KNL1: variants seen among roughly 807,000 people sequenced by gnomAD.
The protein encoded by KNL1 is kinetochore scaffold 1.
KNL1 carries 66 observed loss-of-function variants against 201.3 expected under a neutral mutation model. That is an observed-to-expected ratio of 0.33 (90% CI 0.27 to 0.40). The LOEUF (loss-of-function observed/expected upper bound fraction) is 0.40. KNL1 is among the 10% of genes least tolerant of loss of function. The pLI, the probability that KNL1 is intolerant of heterozygous loss-of-function variation, is 1.00. For synonymous variants in KNL1, 895 were observed against 899.2 expected, an observed-to-expected ratio of 1.00 and a Z score of 0.08; for missense variants, 2,815 against 2,690.5, an observed-to-expected ratio of 1.05 and a Z score of -1.02.
At chr15:40,645,186 ATTTAACTTATTT>A (rs1893349479) in intron 15 of KNL1, 99 bp downstream of exon 15, 1 of 736,898 alleles carries the variant, frequency 1.4e-6, no homozygotes, top group Non-Finnish European at 2.3e-6. Flanking sequence ...GTGATGAGTT[ATTTAACTTATTT>A]TTTAAGTGTA....
Position 40,599,823 on chromosome 15 carries a change from G to A in KNL1, c.-17-3092G>A, listed in dbSNP as rs573568179. Among the ~76,000 whole-genome samples, 110 of 143,282 alleles carry A rather than the reference G, an allele frequency of 7.7e-4. 1 individual carries two copies. The highest frequency in any genetic ancestry group is 2.6e-3 in the African/African-American group (102 of 38,586). The allele number at this position is 143,282 out of a possible 152,430, so 94.0% of individuals were successfully genotyped here. The stretch of plus-strand genomic sequence containing the variant: ...TTTTTTTTTTTTTTTTTAAAGAGAC[G>A]GGGTCTCCCTATGTTGCCCAGGCTG... On this transcript the variant is annotated intron_variant, in intron 1 of 25. Coordinates refer to ENST00000399668, the MANE Select transcript of KNL1 (RefSeq NM_144508.5).
chr15:40,612,667 C>T (rs1165793056), intron 7 of KNL1, among the ~76,000 whole-genome samples: 3 of 151,938 alleles, frequency 2.0e-5, no homozygotes, highest in Non-Finnish European at 4.4e-5. Context: ...CAGGCGCCTG[C>T]CACCACGCCT....
chr15:40,628,090 A>G lies in KNL1; in HGVS notation c.5397A>G (p.Glu1799=), dbSNP rs776711068. The part of the protein sequence containing the change: ...QDREIFDHHT[E]EDIDKSANSV... ...TTCAGATTTTTGATCACCATACTGA[A>G]GAGGATATAGATAAAAGTGCTAACA... Residue 1799 remains glutamate, a synonymous_variant, in exon 11 of 26, where the codon GAA becomes GAG. Coordinates refer to ENST00000399668, the MANE Select transcript of KNL1 (RefSeq NM_144508.5). The G allele has an allele frequency of 2.5e-6, 4 of 1,602,838 alleles. No homozygotes were observed. The highest frequency in any genetic ancestry group is 4.5e-5 in the East Asian group (2 of 44,746).
intron 13 of KNL1, 40 bp from the exon 14 acceptor site, chr15:40,640,872 G>C (rs1295106276): frequency 8.5e-7 from 1 of 1,177,572 alleles, no homozygotes; most frequent in African/African-American, 1.5e-5. Context: ...GGTTTTGTCT[G>C]CAAGATACCA....
Position 40,651,523 on chromosome 15 carries a change from T to C in KNL1, c.6265T>C (p.Phe2089Leu), listed in dbSNP as rs1432980126. Residue 2089 changes from phenylalanine to leucine, a missense_variant, in exon 20 of 26, where the codon TTT becomes CTT. Physicochemically the swap from Phe to Leu is conservative, Grantham distance 22. Coordinates refer to ENST00000399668, the MANE Select transcript of KNL1 (RefSeq NM_144508.5). ...QKEQTLAQIDFMQKQRNRTEE... is the reference protein window; with the variant it reads ...QKEQTLAQIDLMQKQRNRTEE... ...AGAGCAGACCCTTGCTCAAATAGAC[T>C]TTATGCAAAAACAAAGAAATAGAAC... 6.2e-7 allele frequency: 1 copy of C among 1,610,080 alleles called. No individual in the cohort carries two copies. The highest frequency in any genetic ancestry group is 1.7e-5 in the Admixed American group (1 of 58,916).
At chr15:40,630,770 A>G (rs937116432) in intron 13 of KNL1, among the ~76,000 whole-genome samples, 15 of 152,192 alleles carry the variant, frequency 9.9e-5, no homozygotes, top group Non-Finnish European at 1.9e-4. Flanking sequence ...CACAGATTCT[A>G]TATTATGATG....
intron 13 of KNL1, among the ~76,000 whole-genome samples, chr15:40,638,281 GGAA>G (rs1893119762): frequency 6.7e-6 from 1 of 148,520 alleles, no homozygotes; most frequent in Non-Finnish European, 1.5e-5. Flanking sequence ...GGAAGGGAAG[GGAA>G]GGATAGGATA....
At chr15:40,611,760 GT>G (rs1214611104) in intron 7 of KNL1, among the ~76,000 whole-genome samples, 7 of 151,918 alleles carry the variant, frequency 4.6e-5, no homozygotes, top group Non-Finnish European at 1.0e-4. Flanking sequence ...CAAGTCTTTA[GT>G]TTTTTTATTA....
chr15:40,594,677 C>A lies in KNL1; in HGVS notation c.-18+285C>A, dbSNP rs73394719. Among the ~76,000 whole-genome samples, 1,107 of 152,340 alleles carry A rather than the reference C, an allele frequency of 7.3e-3. 10 individuals are homozygous for A. The highest frequency in any genetic ancestry group is 0.025 in the African/African-American group (1,059 of 41,578). ...GGTTGCTTGTCCGTCGCTCTCTTGGCGTCCTCTTCCGCCCCGCCCTGCCGT... is the reference window on the plus strand; with the variant it reads ...GGTTGCTTGTCCGTCGCTCTCTTGGAGTCCTCTTCCGCCCCGCCCTGCCGT... On this transcript the variant is annotated intron_variant, in intron 1 of 25. Transcript: ENST00000399668.
chr15:40,638,950 T>A (rs185649211), intron 13 of KNL1, among the ~76,000 whole-genome samples: 1 of 151,534 alleles, frequency 6.6e-6, no homozygotes, highest in African/African-American at 2.4e-5. Context: ...TAGCTGGGAT[T>A]ACAGGCATGC....
Position 40,645,776 on chromosome 15 carries a change from A to G in KNL1, c.6006+4A>G, listed in dbSNP as rs1441381124. The G allele has an allele frequency of 1.4e-6, 2 of 1,463,624 alleles. No homozygotes were observed. Among genetic ancestry groups the G allele is most frequent in the Non-Finnish European group, 1.9e-6 (2 of 1,062,536 alleles). The allele number at this position is 1,463,624 out of a possible 1,614,324, so 90.7% of individuals were successfully genotyped here. A position where few individuals can be genotyped will look rare whatever the true frequency, so the allele number is the denominator to read the frequency against. ...CAAGCTGGTGCAGTCAGCTCAGGTA[A>G]TTTGAGACAGTTAATATCATAGAAA... On this transcript the variant is annotated splice_donor_region_variant and intron_variant, in intron 16 of 25. Coordinates refer to ENST00000399668, the MANE Select transcript of KNL1 (RefSeq NM_144508.5).
rs752943806 is a variant in KNL1 at position 40,620,934 on chromosome 15, A to G, written c.670A>G (p.Thr224Ala). The change falls in exon 10 of 26, where the codon ACA becomes GCA. Residue 224 changes from threonine to alanine, a missense_variant. By Grantham distance (58) the Thr-to-Ala change is moderately conservative. Around this residue, in one of 3 missense-constraint regions of KNL1, gnomAD observed 2,464 missense variants for 2,291.7 expected, o/e 1.08. Transcript: ENST00000399668. ...CAATGACTTCATAAAAAGATTGAAA[A>G]CAGGAAAATGTAGTGCTTTTCCTGA... is the stretch of plus-strand genomic sequence containing the variant. The part of the protein sequence containing the change: ...DFNDFIKRLK[T>A]GKCSAFPDVP... 2 of 1,602,960 alleles carry G rather than the reference A, an allele frequency of 1.2e-6. No individual in the cohort carries two copies. The highest frequency in any genetic ancestry group is 1.4e-5 in the African/African-American group (1 of 74,050).
chr15:40,615,788 T>C (rs978822331), intron 8 of KNL1: 5 of 150,408 alleles, frequency 3.3e-5, no homozygotes, highest in African/African-American at 9.8e-5. Context: ...CTTTTTGAGA[T>C]GGAGTTTTGC....
intron 13 of KNL1, among the ~76,000 whole-genome samples, chr15:40,635,251 A>G (rs1261666968): frequency 1.3e-5 from 2 of 150,726 alleles, no homozygotes; most frequent in African/African-American, 4.9e-5. Flanking sequence ...ACAGGGTTTC[A>G]CTGTGTTAGC....
chr15:40,596,463 A>G (rs1891622461), intron 1 of KNL1, among the ~76,000 whole-genome samples: 1 of 151,940 alleles, frequency 6.6e-6, no homozygotes, highest in African/African-American at 2.4e-5. Context: ...TTTTAAGTAG[A>G]CACGGGGTTT....
chr15:40,655,269 G>T (rs1893689967), intron 22 of KNL1, among the ~76,000 whole-genome samples: 1 of 151,068 alleles, frequency 6.6e-6, no homozygotes, highest in Non-Finnish European at 1.5e-5. Context: ...CTGCAGTCCA[G>T]CCTGGCAACA....
At chr15:40,597,000 CAAAAAA>C (rs35126045) in intron 1 of KNL1, among the ~76,000 whole-genome samples, 2 of 90,540 alleles carry the variant, frequency 2.2e-5, no homozygotes, top group African/African-American at 8.5e-5. Flanking sequence ...AACTCCATCT[CAAAAAA>C]AAAAAAAAAA....
chr15:40,605,052 CT>C, intron 2 of KNL1, 57 bp from the exon 3 acceptor site: 1 of 919,806 alleles, frequency 1.1e-6, no homozygotes, highest in Non-Finnish European at 1.8e-6. Context: ...GTGATGATGC[CT>C]TTTGTGAATT....
intron 8 of KNL1, among the ~76,000 whole-genome samples, chr15:40,618,549 A>G (rs1250689793): frequency 6.6e-6 from 1 of 152,144 alleles, no homozygotes; most frequent in Non-Finnish European, 1.5e-5. Flanking sequence ...GTAGTAGTCC[A>G]AACTTTCCAT....
Sources: gnomAD v4.1 joint callset for allele counts (sites outside exome capture counted in the v4.1 genomes callset) on GRCh38, gnomAD v4.1.1 for gene constraint, gnomAD v4.1.1 regional missense constraint, MANE v1.5 for transcripts, NCBI Gene and HGNC (gene_info 2026-07-23, HGNC 2026-07-21) for gene names.